Variants in NRG3 observed in about 807,000 individuals in gnomAD.
The protein encoded by NRG3 is neuregulin 3.
Under a neutral mutation model 66.9 loss-of-function variants are expected in NRG3, and 31 were observed. The ratio of observed to expected loss-of-function variants is 0.46; its 90% CI spans 0.35 to 0.63. The LOEUF is 0.63. NRG3 is among the 20% of genes least tolerant of loss of function. The pLI is 0.00. For missense variants in NRG3, 910 were observed against 878.9 expected, an observed-to-expected ratio of 1.04 and a Z score of -0.45; for synonymous variants, 393 against 359.4, an observed-to-expected ratio of 1.09 and a Z score of -1.06.
At chr10:82,579,622 G>C (rs1475377969) in intron 2 of NRG3, among the ~76,000 whole-genome samples, 3 of 151,844 alleles carry the variant, frequency 2.0e-5, no homozygotes, top group Non-Finnish European at 4.4e-5. Context: ...TGTGACATAT[G>C]GGTAAAATTT....
intron 4 of NRG3, among the ~76,000 whole-genome samples, chr10:82,911,233 A>T (rs1204399846): frequency 6.6e-6 from 1 of 152,162 alleles, no homozygotes; most frequent in African/African-American, 2.4e-5. Flanking sequence ...TAAGTGGTTT[A>T]TAAGCATTTT....
intron 1 of NRG3, among the ~76,000 whole-genome samples, chr10:82,329,437 G>GTT (rs529385530): frequency 4.0e-4 from 45 of 113,016 alleles, no homozygotes; most frequent in African/African-American, 3.7e-4. Flanking sequence ...TTCCTTCTTG[G>GTT]TTTTTTTTTT....
chr10:82,365,640 G>T (rs560604129), intron 2 of NRG3, among the ~76,000 whole-genome samples: 3 of 151,924 alleles, frequency 2.0e-5, no homozygotes, highest in Non-Finnish European at 2.9e-5. Flanking sequence ...CTTCTAATTC[G>T]ACCTCTTTGT....
rs139078842 is a variant in NRG3, at chr10:82,109,377, C to T, written c.823+233214C>T. On this transcript the variant is annotated intron_variant, in intron 1 of 8. Transcript: ENST00000372141. ...ATCATGACCATTTATTTAGTCAACA[C>T]TTTAGTAGGTACAGAAAATACTGCT... 5.7e-3 allele frequency among the ~76,000 whole-genome samples: 863 copies of T among 152,228 alleles called. 27 individuals are homozygous for T. Among genetic ancestry groups the T allele is most frequent in the Admixed American group, 0.041 (628 of 15,290 alleles).
intron 2 of NRG3, among the ~76,000 whole-genome samples, chr10:82,573,696 CA>C (rs2045874043): frequency 6.6e-6 from 1 of 151,682 alleles, no homozygotes; most frequent in African/African-American, 2.4e-5. Context: ...TTATGGAGTT[CA>C]AAGGCTAAAA....
intron 1 of NRG3, among the ~76,000 whole-genome samples, chr10:82,171,298 G>T (rs1302282007): frequency 6.6e-6 from 1 of 152,004 alleles, no homozygotes; most frequent in Non-Finnish European, 1.5e-5. Flanking sequence ...TACTAGCAAG[G>T]TTTTTCCTCT....
Position 82,095,961 on chromosome 10 carries a change from A to C in NRG3, c.823+219798A>C, listed in dbSNP as rs565796670. Among the ~76,000 whole-genome samples the C allele has an allele frequency of 2.0e-5, 3 of 152,308 alleles. No homozygotes were observed. In the South Asian group the frequency reaches 6.2e-4, roughly 32 times the overall value. ...GGGAAAACAAATAAGTCTCATATGC[A>C]AATAAGTAGAAAGAGAGACTCACAG... On this transcript the variant is annotated intron_variant, in intron 1 of 8. Coordinates refer to ENST00000372141, the MANE Select transcript of NRG3 (RefSeq NM_001010848.4).
At chr10:82,420,619 T>G (rs903851814) in intron 2 of NRG3, among the ~76,000 whole-genome samples, 4 of 152,168 alleles carry the variant, frequency 2.6e-5, no homozygotes, top group African/African-American at 9.7e-5. Context: ...TTTGGCTGTT[T>G]AATACACAGT....
At chr10:82,891,700 A>G (rs1334014096) in intron 4 of NRG3, among the ~76,000 whole-genome samples, 2 of 152,060 alleles carry the variant, frequency 1.3e-5, no homozygotes, top group Non-Finnish European at 2.9e-5. Flanking sequence ...TGGATTGTCT[A>G]TAAAATCATG....
intron 2 of NRG3, among the ~76,000 whole-genome samples, chr10:82,541,622 A>T (rs1276214858): frequency 6.6e-6 from 1 of 152,220 alleles, no homozygotes; most frequent in African/African-American, 2.4e-5. Context: ...ATAACCAGTT[A>T]GGTCAGGGGT....
chr10:82,071,819 G>A (rs1383621921), intron 1 of NRG3, among the ~76,000 whole-genome samples: 1 of 152,214 alleles, frequency 6.6e-6, no homozygotes, highest in African/African-American at 2.4e-5. Context: ...GGAAAAAGAT[G>A]TTGGGAATGT....
At chr10:82,360,108 C>G (rs2084034278) in intron 2 of NRG3, among the ~76,000 whole-genome samples, 1 of 152,178 alleles carries the variant, frequency 6.6e-6, no homozygotes, top group Non-Finnish European at 1.5e-5. Context: ...TTTGGCAGTG[C>G]CGCTGCATTC....
intron 1 of NRG3, among the ~76,000 whole-genome samples, chr10:82,129,127 G>T (rs1022992546): frequency 2.0e-5 from 3 of 151,966 alleles, no homozygotes; most frequent in Admixed American, 6.6e-5. Context: ...CGGCCAGGCT[G>T]GTCTCAAACT....
At chr10:82,171,871 ATATCT>A (rs1187186492) in intron 1 of NRG3, among the ~76,000 whole-genome samples, 1 of 152,100 alleles carries the variant, frequency 6.6e-6, no homozygotes, top group Non-Finnish European at 1.5e-5. Flanking sequence ...ACTGCTTCCT[ATATCT>A]TATAAGATCT....
At chr10:82,204,282 G>A (rs577877680) in intron 1 of NRG3, among the ~76,000 whole-genome samples, 1 of 152,232 alleles carries the variant, frequency 6.6e-6, no homozygotes, top group South Asian at 2.1e-4. Context: ...TACAACAAAG[G>A]TTTCTTTCTT....
intron 1 of NRG3, among the ~76,000 whole-genome samples, chr10:82,346,207 TAG>T (rs1260756922): frequency 1.3e-5 from 2 of 149,506 alleles, no homozygotes; most frequent in Non-Finnish European, 3.0e-5. Context: ...GGGTTTGTCA[TAG>T]ATAGCTCTTA....
At chr10:82,178,649 G>C (rs2073205633) in intron 1 of NRG3, among the ~76,000 whole-genome samples, 1 of 152,010 alleles carries the variant, frequency 6.6e-6, no homozygotes, top group Non-Finnish European at 1.5e-5. Context: ...TATATCTCTT[G>C]GTTATAGTGA....
intron 1 of NRG3, among the ~76,000 whole-genome samples, chr10:82,144,060 G>GA (rs1049149241): frequency 2.7e-5 from 4 of 146,956 alleles, no homozygotes; most frequent in Middle Eastern, 3.5e-3. Flanking sequence ...AAAAAAAAAA[G>GA]AAAAAAAAGA....
chr10:82,489,051 G>A (rs1204279871), intron 2 of NRG3, among the ~76,000 whole-genome samples: 1 of 152,012 alleles, frequency 6.6e-6, no homozygotes, highest in Non-Finnish European at 1.5e-5. Flanking sequence ...TGTTTAATTA[G>A]CCCAGTACAC....
Sources: gnomAD v4.1 joint callset for allele counts (sites outside exome capture counted in the v4.1 genomes callset) on GRCh38, gnomAD v4.1.1 for gene constraint, MANE v1.5 for transcripts, NCBI Gene and HGNC (gene_info 2026-07-23, HGNC 2026-07-21) for gene names.